TULP4: variants seen among roughly 807,000 people sequenced by gnomAD.
TULP4 encodes tubby-related protein 4.
Under a neutral mutation model 129.0 loss-of-function variants are expected in TULP4, and 16 were observed. That is an observed-to-expected ratio of 0.12 (90% CI 0.08 to 0.19). The LOEUF is 0.19. TULP4 is among the 10% of genes least tolerant of loss of function. The pLI is 1.00. For synonymous variants in TULP4, 998 were observed against 854.0 expected (o/e 1.17, Z -2.94); for missense variants, 1,842 against 2,059.1 (o/e 0.89, Z 2.04).
intron 2 of TULP4, among the ~76,000 whole-genome samples, chr6:158,416,410 G>A (rs1031498815): frequency 6.6e-6 from 1 of 152,044 alleles, no homozygotes; most frequent in South Asian, 2.1e-4. Flanking sequence ...CCGGGTGTAG[G>A]CCTAGGCTAA....
chr6:158,299,638 A>T (rs1362589509), intron 1 of TULP4, among the ~76,000 whole-genome samples: 1 of 152,212 alleles, frequency 6.6e-6, no homozygotes, highest in Non-Finnish European at 1.5e-5. Context: ...AACCCATAGT[A>T]ACATTAAATG....
chr6:158,386,621 AAT>A (rs1777454517), intron 1 of TULP4, among the ~76,000 whole-genome samples: 1 of 152,192 alleles, frequency 6.6e-6, no homozygotes, highest in African/African-American at 2.4e-5. Flanking sequence ...ACTGTAATTT[AAT>A]ATAGTCACAG....
intron 13 of TULP4, 51 bp downstream of exon 13, chr6:158,504,229 G>A (rs771205446): frequency 2.8e-6 from 4 of 1,417,186 alleles, no homozygotes; most frequent in Non-Finnish European, 3.8e-6. Flanking sequence ...GAGGGTTTCA[G>A]TGCTTCGGCC....
chr6:158,494,535 A>C (rs1780284099), intron 10 of TULP4, among the ~76,000 whole-genome samples: 1 of 151,874 alleles, frequency 6.6e-6, no homozygotes, highest in Non-Finnish European at 1.5e-5. Flanking sequence ...ACACACCCCC[A>C]CCTTTCCCCC....
In TULP4 at chr6:158,506,946, G is replaced by A. The variant is rs975332156; in HGVS notation, c.*252G>A. 3 of 484,764 alleles carry A rather than the reference G, an allele frequency of 6.2e-6. No homozygotes were observed. Among genetic ancestry groups the A allele is most frequent in the Non-Finnish European group, 1.1e-5 (3 of 267,992 alleles). The allele number at this position is 484,764 out of a possible 1,614,324, so 30.0% of individuals were successfully genotyped here. A position where few individuals can be genotyped will look rare whatever the true frequency, so the allele number is the denominator to read the frequency against. On this transcript the variant is annotated 3_prime_UTR_variant, in exon 14 of 14. Transcript: ENST00000367097. The stretch of plus-strand genomic sequence containing the variant: ...TGGCATTTGGAAGCAAAGAGTGCTA[G>A]GCACCTGCTGTTCTTTCAGGAAACA...
Position 158,428,929 on chromosome 6 carries a change from A to C in TULP4, c.382-807A>C, listed in dbSNP as rs578222304. On this transcript the variant is annotated intron_variant, in intron 2 of 13. Coordinates refer to ENST00000367097, the MANE Select transcript of TULP4 (RefSeq NM_020245.5). ...CTTAATGAATTAATGTACATGAAACATACAGAACACTGGTGATGCACAGTA... is the reference window on the plus strand; with the variant it reads ...CTTAATGAATTAATGTACATGAAACCTACAGAACACTGGTGATGCACAGTA... Among the ~76,000 whole-genome samples the C allele has an allele frequency of 3.9e-5, 6 of 152,366 alleles. No individual in the cohort carries two copies. In the South Asian group the frequency reaches 8.3e-4, roughly 21 times the overall value.
Position 158,502,541 on chromosome 6 carries a change from C to T in TULP4, c.2878C>T (p.Pro960Ser), listed in dbSNP as rs554669159. 1.9e-6 allele frequency: 3 copies of T among 1,609,778 alleles called. No individual in the cohort carries two copies. Among genetic ancestry groups the T allele is most frequent in the East Asian group, 2.2e-5 (1 of 44,868 alleles). ...RYSIPTGDPP[P>S]YPEIASQLAQ... ...CTCCATCCCCACCGGGGACCCACCCCCGTATCCTGAAATTGCCAGCCAGCT... is the reference window on the plus strand; with the variant it reads ...CTCCATCCCCACCGGGGACCCACCCTCGTATCCTGAAATTGCCAGCCAGCT... The change falls in exon 13 of 14, where the codon CCG becomes TCG. Residue 960 changes from proline to serine, a missense_variant. By Grantham distance (74) the Pro-to-Ser change is moderately conservative (BLOSUM62 -1). This residue lies in a region of TULP4 where 1,089 missense variants were observed against 987.1 expected (regional missense o/e 1.10). Transcript: ENST00000367097.
At chr6:158,290,471 T>C in intron 1 of TULP4, among the ~76,000 whole-genome samples, 1 of 152,238 alleles carries the variant, frequency 6.6e-6, no homozygotes, top group East Asian at 1.9e-4. Flanking sequence ...GGATTATGTC[T>C]ACTTCGTTGA....
rs1437825014 is a variant in TULP4 at position 158,506,841 on chromosome 6, C to T, written c.*147C>T. On this transcript the variant is annotated 3_prime_UTR_variant, in exon 14 of 14. Coordinates refer to ENST00000367097, the MANE Select transcript of TULP4 (RefSeq NM_020245.5). Reference sequence around the variant, plus strand: ...AAAGCCCGGCAGGCCCAGGAGAGGGCGCTGACCTGTGGTCGTCATTTATTT... The same window carrying T: ...AAAGCCCGGCAGGCCCAGGAGAGGGTGCTGACCTGTGGTCGTCATTTATTT... 1.3e-5 allele frequency: 8 copies of T among 620,068 alleles called. 1 individual carries two copies. The highest frequency in any genetic ancestry group is 1.1e-4 in the Admixed American group (4 of 35,096). The allele number at this position is 620,068 out of a possible 1,614,324, so 38.4% of individuals were successfully genotyped here.
At chr6:158,397,472 G>A (rs1372425681) in intron 1 of TULP4, among the ~76,000 whole-genome samples, 1 of 152,062 alleles carries the variant, frequency 6.6e-6, no homozygotes, top group Non-Finnish European at 1.5e-5. Context: ...GCCTCATGCA[G>A]CCCAACACAA....
chr6:158,271,662 T>G (rs1427520028), intron 1 of TULP4, among the ~76,000 whole-genome samples: 1 of 152,094 alleles, frequency 6.6e-6, no homozygotes, highest in Non-Finnish European at 1.5e-5. Flanking sequence ...ACTCCTGAGT[T>G]CAAGCCATCC....
At chr6:158,243,084 G>A (rs895994032) in intron 1 of TULP4, among the ~76,000 whole-genome samples, 2 of 152,148 alleles carry the variant, frequency 1.3e-5, no homozygotes, top group African/African-American at 4.8e-5. Flanking sequence ...ACCGCACCCG[G>A]CCTATCATGG....
chr6:158,250,282 C>T (rs1191092652), intron 1 of TULP4, among the ~76,000 whole-genome samples: 2 of 152,040 alleles, frequency 1.3e-5, no homozygotes, highest in African/African-American at 2.4e-5. Context: ...CTCAGCCTCC[C>T]GAGCAGCTGG....
At chr6:158,476,126 T>C (rs1779814028) in intron 6 of TULP4, among the ~76,000 whole-genome samples, 2 of 152,250 alleles carry the variant, frequency 1.3e-5, no homozygotes, top group Non-Finnish European at 2.9e-5. Flanking sequence ...AAAATTATTA[T>C]GGCAAAGGTA....
In TULP4 at chr6:158,327,299, T is replaced by A. The variant is rs969480683; in HGVS notation, c.252+13031T>A. On this transcript the variant is annotated intron_variant, in intron 1 of 13. Coordinates refer to ENST00000367097, the MANE Select transcript of TULP4 (RefSeq NM_020245.5). ...GAAATTTCATAATGGTCTGCTTTAG[T>A]AACTTTTTTCACATTAACAAGGTAG... Among the ~76,000 whole-genome samples the A allele has an allele frequency of 1.3e-5, 2 of 152,230 alleles. 1 individual carries two copies. The highest frequency in any genetic ancestry group is 4.1e-4 in the South Asian group (2 of 4,830).
intron 1 of TULP4, among the ~76,000 whole-genome samples, chr6:158,408,353 G>T (rs1778012202): frequency 6.6e-6 from 1 of 152,128 alleles, no homozygotes; most frequent in Admixed American, 6.6e-5. Context: ...TGGGAGACAG[G>T]TCTGGAAAGG....
At chr6:158,490,412 A>T (rs553431419) in intron 9 of TULP4, among the ~76,000 whole-genome samples, 8 of 152,264 alleles carry the variant, frequency 5.3e-5, no homozygotes, top group South Asian at 4.1e-4. Flanking sequence ...AATAAATAAT[A>T]AATAAATGCC....
chr6:158,444,820 G>A (rs1347423488), intron 3 of TULP4, among the ~76,000 whole-genome samples: 1 of 152,106 alleles, frequency 6.6e-6, no homozygotes, highest in Non-Finnish European at 1.5e-5. Flanking sequence ...TGCTTTGTGT[G>A]TATGTGTGTG....
intron 1 of TULP4, among the ~76,000 whole-genome samples, chr6:158,402,247 ACC>A (rs1307814939): frequency 7.0e-6 from 1 of 143,702 alleles, no homozygotes; most frequent in Non-Finnish European, 1.5e-5. Context: ...CCCTACTCCC[ACC>A]CCTTCCCCAC....
Sources: allele counts gnomAD v4.1 joint callset (sites outside exome capture counted in the v4.1 genomes callset), GRCh38; gene constraint gnomAD v4.1.1; regional missense constraint gnomAD v4.1.1; transcripts MANE v1.5; gene names NCBI Gene and HGNC (gene_info 2026-07-23, HGNC 2026-07-21).